NKG7: variants seen among roughly 807,000 people sequenced by gnomAD.
NKG7 encodes natural killer cell granule protein 7.
NKG7 carries 8 observed loss-of-function variants against 14.7 expected under a neutral mutation model. The ratio of observed to expected loss-of-function variants is 0.54; its 90% CI spans 0.32 to 0.98. The LOEUF (loss-of-function observed/expected upper bound fraction) is 0.98. NKG7 is among the 50% of genes least tolerant of loss of function. The pLI is 0.04. For synonymous variants in NKG7, 95 were observed against 90.7 expected (o/e 1.05, Z -0.27); for missense variants, 215 against 211.1 (o/e 1.02, Z -0.11).
chr19:51,372,505 C>G lies in NKG7; in HGVS notation c.31G>C (p.Gly11Arg). The G allele has an allele frequency of 6.2e-7, 1 of 1,614,074 alleles. No individual in the cohort carries two copies. The highest frequency in any genetic ancestry group is 1.3e-5 in the African/African-American group (1 of 75,038). Residue 11 changes from glycine (G) to arginine (R), a missense_variant, in exon 1 of 4, where the codon GGG (glycine) becomes CGG (arginine). Transcript: ENST00000221978. This position sits in a 1 kb window ranked among gnomAD's most constrained non-coding sequence, Gnocchi z 4.8. MELCRSLALLGGSLGLMFCLI... is the reference protein window; with the variant it reads MELCRSLALLRGSLGLMFCLI... ...CAGAACATCAGGCCCAGGGAGCCCC[C>G]CAGCAGGGCCAGGGACCGGCAGAGC...
In NKG7 at chr19:51,372,328, G is replaced by A. The variant is rs539093317; in HGVS notation, c.158-21C>T. The A allele has an allele frequency of 1.9e-6, 3 of 1,612,202 alleles. No homozygotes were observed. The highest frequency in any genetic ancestry group is 2.2e-5 in the South Asian group (2 of 90,894). On this transcript the variant is annotated intron_variant, in intron 1 of 3. Transcript: ENST00000221978. This position sits in a 1 kb window ranked among gnomAD's most constrained non-coding sequence, Gnocchi z 4.8. ...GTAGCCTGATCGGGAGAAGACCACTGAGCACCCATCCCCGCTGGCAACCCC... is the reference window on the plus strand; with the variant it reads ...GTAGCCTGATCGGGAGAAGACCACTAAGCACCCATCCCCGCTGGCAACCCC...
chr19:51,372,184 G>A lies in NKG7; in HGVS notation c.281C>T (p.Ser94Leu). 2.5e-6 allele frequency: 4 copies of A among 1,610,306 alleles called. No homozygotes were observed. The highest frequency in any genetic ancestry group is 3.4e-6 in the Non-Finnish European group (4 of 1,178,080). ...LFPPGHGPLVSTTAAFAAAIS... is the reference protein window; with the variant it reads ...LFPPGHGPLVLTTAAFAAAIS... The stretch of plus-strand genomic sequence containing the variant: ...ACCTGCAGCAAAGGCTGCGGTGGTT[G>A]AGACAAGCGGGCCGTGGCCTGGGGG... Residue 94 changes from serine (S) to leucine (L), a missense_variant, in exon 2 of 4, where the codon TCA becomes TTA. Transcript: ENST00000221978. This position sits in a 1 kb window ranked among gnomAD's most constrained non-coding sequence, Gnocchi z 4.8.
rs61128593 is a variant in NKG7, at chr19:51,371,711, C to T, written c.*66G>A. 19,902 of 1,517,410 alleles carry T rather than the reference C, an allele frequency of 0.013. 1,654 individuals carry two copies. The African/African-American group carries it at 0.2, about 16-fold the overall frequency. The allele number at this position is 1,517,410 out of a possible 1,614,324, so 94.0% of individuals were successfully genotyped here. On this transcript the variant is annotated 3_prime_UTR_variant, in exon 4 of 4. Coordinates refer to ENST00000221978, the MANE Select transcript of NKG7 (RefSeq NM_005601.4). This position sits in a 1 kb window ranked among gnomAD's most constrained non-coding sequence, Gnocchi z 4.2. ...GGGCAGATGTGGGACCAGACTTTCC[C>T]GAGGCTCCAGATGAGGCCTTTGGAA... is the stretch of plus-strand genomic sequence containing the variant.
Position 51,372,033 on chromosome 19 carries a change from G to A in NKG7, c.346C>T (p.Arg116Trp), listed in dbSNP as rs146383130. The change falls in exon 3 of 4, where the codon CGG (arginine) becomes TGG (tryptophan). Residue 116 changes from arginine (R) to tryptophan (W), a missense_variant. Physicochemically the swap from Arg to Trp is moderately radical, Grantham distance 101. Transcript: ENST00000221978. The surrounding 1 kb of genome is among the most constrained non-coding windows in gnomAD (Gnocchi z 4.8). ...TGGGGGTGTGGAGGCTGGTCCCACC[G>A]CTCGCTGGTGTACACCGCCATGGCC... ...VVAMAVYTSE[R>W]WDQPPHPQIQ... 1.4e-4 allele frequency: 229 copies of A among 1,613,518 alleles called. 1 individual carries two copies. In the African/African-American group the frequency reaches 2.4e-3, roughly 17 times the overall value.
Position 51,372,561 on chromosome 19 carries a change from C to T in NKG7, c.-26G>A, listed in dbSNP as rs1986700098. On this transcript the variant is annotated 5_prime_UTR_variant, in exon 1 of 4. Coordinates refer to ENST00000221978, the MANE Select transcript of NKG7 (RefSeq NM_005601.4). This position sits in a 1 kb window ranked among gnomAD's most constrained non-coding sequence, Gnocchi z 4.8. Reference sequence around the variant, plus strand: ...GGGGATAAGCTCAGGGCTTCTGGGTCCTGGAGGAGGAAGAGGCTGCTGATC... The same window carrying T: ...GGGGATAAGCTCAGGGCTTCTGGGTTCTGGAGGAGGAAGAGGCTGCTGATC... The T allele has an allele frequency of 1.2e-6, 2 of 1,610,834 alleles. No individual in the cohort carries two copies. Among genetic ancestry groups the T allele is most frequent in the Non-Finnish European group, 1.7e-6 (2 of 1,178,802 alleles).
At position 51,371,702 on chromosome 19, in the gene NKG7, A is replaced by G. The variant is rs1302835060; in HGVS notation, c.*75T>C. The G allele has an allele frequency of 1.3e-6, 2 of 1,497,734 alleles. No individual in the cohort carries two copies. The highest frequency in any genetic ancestry group is 1.8e-6 in the Non-Finnish European group (2 of 1,105,358). 92.8% of individuals were successfully genotyped at this position (1,497,734 alleles called of 1,614,324 possible). A position where few individuals can be genotyped will look rare whatever the true frequency, so the allele number is the denominator to read the frequency against. ...TGGAAGGGCGGGCAGATGTGGGACCAGACTTTCCCGAGGCTCCAGATGAGG... is the reference window on the plus strand; with the variant it reads ...TGGAAGGGCGGGCAGATGTGGGACCGGACTTTCCCGAGGCTCCAGATGAGG... On this transcript the variant is annotated 3_prime_UTR_variant, in exon 4 of 4. Coordinates refer to ENST00000221978, the MANE Select transcript of NKG7 (RefSeq NM_005601.4). The surrounding 1 kb of genome is among the most constrained non-coding windows in gnomAD (Gnocchi z 4.2).
Position 51,372,137 on chromosome 19 carries a change from C to CCAAGT in NKG7, c.304+23_304+24insACTTG, listed in dbSNP as rs1224812516. On this transcript the variant is annotated intron_variant, in intron 2 of 3. Coordinates refer to ENST00000221978, the MANE Select transcript of NKG7 (RefSeq NM_005601.4). The surrounding 1 kb of genome is among the most constrained non-coding windows in gnomAD (Gnocchi z 4.8). ...GCAGGAATTCGCTGGCTCGCGATGC[C>CCAAGT]CCAGTCCAGTCCAGAGTCCTTACCT... 2 of 1,594,628 alleles carry CCAAGT rather than the reference C, an allele frequency of 1.3e-6. No homozygotes were observed. The highest frequency in any genetic ancestry group is 3.4e-5 in the Admixed American group (2 of 58,752).
At position 51,372,426 on chromosome 19, in the gene NKG7, G is replaced by C; in HGVS notation, c.110C>G (p.Ser37Ter). The change falls in exon 1 of 4, where the codon TCA (serine) becomes TGA (stop). Residue 37 changes from serine to a stop codon, truncating the protein, a stop_gained. Coordinates refer to ENST00000221978, the MANE Select transcript of NKG7 (RefSeq NM_005601.4). LOFTEE classifies it high-confidence loss of function. This position sits in a 1 kb window ranked among gnomAD's most constrained non-coding sequence, Gnocchi z 4.8. Reference protein sequence around the residue: ...FWFEAVGPTHSAHSGLWPTGH... With the variant: ...FWFEAVGPTH ...TGTTGGCCAGAGGCCCGAGTGAGCT[G>C]AGTGGGTGGGACCCACAGCCTCAAA... 1 of 1,614,204 alleles carries C rather than the reference G, an allele frequency of 6.2e-7. No individual in the cohort carries two copies. The highest frequency in any genetic ancestry group is 8.5e-7 in the Non-Finnish European group (1 of 1,180,042).
rs2123647421 is a variant in NKG7 at position 51,371,787 on chromosome 19, T to G, written c.488A>C (p.Glu163Ala). The G allele has an allele frequency of 6.2e-7, 1 of 1,612,942 alleles. No individual in the cohort carries two copies. Among genetic ancestry groups the G allele is most frequent in the East Asian group, 2.2e-5 (1 of 44,862 alleles). Residue 163 changes from glutamate (E) to alanine (A), a missense_variant, in exon 4 of 4, where the codon GAA (glutamate) becomes GCA (alanine). Glu to Ala is a moderately radical substitution (Grantham distance 107). Transcript: ENST00000221978. This position sits in a 1 kb window ranked among gnomAD's most constrained non-coding sequence, Gnocchi z 4.2. ...GCTCTTGCCTTCTGCTCACAAGGTTTCATAGCCAGGACGGGGACCGCCACA... is the reference window on the plus strand; with the variant it reads ...GCTCTTGCCTTCTGCTCACAAGGTTGCATAGCCAGGACGGGGACCGCCACA... ...AHCGGPRPGY[E>A]TL
rs775302410 is a variant in NKG7 at position 51,371,792 on chromosome 19, G to C, written c.483C>G (p.Gly161=). The change falls in exon 4 of 4, where the codon GGC becomes GGG. Residue 161 remains glycine, a synonymous_variant. Transcript: ENST00000221978. The surrounding 1 kb of genome is among the most constrained non-coding windows in gnomAD (Gnocchi z 4.2). ...LGAHCGGPRP[G]YETL The stretch of plus-strand genomic sequence containing the variant: ...TGCCTTCTGCTCACAAGGTTTCATA[G>C]CCAGGACGGGGACCGCCACAGTGAG... The C allele has an allele frequency of 4.3e-6, 7 of 1,613,040 alleles. No individual in the cohort carries two copies.
rs763884918 is a variant in NKG7 at position 51,372,277 on chromosome 19, A to T, written c.188T>A (p.Ile63Asn). 7.4e-6 allele frequency: 12 copies of T among 1,613,224 alleles called. No homozygotes were observed. In the Admixed American group the frequency reaches 2.0e-4, roughly 27 times the overall value. The change falls in exon 2 of 4, where the codon ATT becomes AAT. Residue 63 changes from isoleucine to asparagine, a missense_variant. By Grantham distance (149) the Ile-to-Asn change is moderately radical. Coordinates refer to ENST00000221978, the MANE Select transcript of NKG7 (RefSeq NM_005601.4). This position sits in a 1 kb window ranked among gnomAD's most constrained non-coding sequence, Gnocchi z 4.8. Reference protein sequence around the residue: ...GYIHVTQTFSIMAVLWALVSV... With the variant: ...GYIHVTQTFSNMAVLWALVSV... ...CACCAGGGCCCACAGAACAGCCATA[A>T]TGCTGAAGGTCTGCGTCACGTGGAT...
chr19:51,372,639 T>A lies in NKG7; in HGVS notation c.-104A>T. Reference sequence around the variant, plus strand: ...GCTGTGCACCCAGACTCCTGGGTCCTTAGAGCCCAAGAAAGAGAGAACAGC... The same window carrying A: ...GCTGTGCACCCAGACTCCTGGGTCCATAGAGCCCAAGAAAGAGAGAACAGC... On this transcript the variant is annotated 5_prime_UTR_variant, in exon 1 of 4. In the 5' UTR this introduces an upstream ATG that the reference lacks. Coordinates refer to ENST00000221978, the MANE Select transcript of NKG7 (RefSeq NM_005601.4). The surrounding 1 kb of genome is among the most constrained non-coding windows in gnomAD (Gnocchi z 4.8). The A allele has an allele frequency of 7.4e-7, 1 of 1,350,330 alleles. No homozygotes were observed. The highest frequency in any genetic ancestry group is 9.9e-7 in the Non-Finnish European group (1 of 1,005,340). 83.6% of individuals were successfully genotyped at this position (1,350,330 alleles called of 1,614,324 possible). A position where few individuals can be genotyped will look rare whatever the true frequency, so the allele number is the denominator to read the frequency against.
rs555443513 is a variant in NKG7 at position 51,371,622 on chromosome 19, C to T, written c.*155G>A. 2 of 852,388 alleles carry T rather than the reference C, an allele frequency of 2.3e-6. No homozygotes were observed. Among genetic ancestry groups the T allele is most frequent in the South Asian group, 3.6e-5 (2 of 55,730 alleles). The allele number at this position is 852,388 out of a possible 1,614,324, so 52.8% of individuals were successfully genotyped here. On this transcript the variant is annotated 3_prime_UTR_variant, in exon 4 of 4. Transcript: ENST00000221978. This position sits in a 1 kb window ranked among gnomAD's most constrained non-coding sequence, Gnocchi z 4.2. Reference sequence around the variant, plus strand: ...GAATTAATCTCAAAATAACCAGATTCCAGCCAAATTTTGTTGAATGAATGA... The same window carrying T: ...GAATTAATCTCAAAATAACCAGATTTCAGCCAAATTTTGTTGAATGAATGA...
rs756059494 is a variant in NKG7 at position 51,372,206 on chromosome 19, G to C, written c.259C>G (p.Pro87Ala). The change falls in exon 2 of 4, where the codon CCA (proline) becomes GCA (alanine). Residue 87 changes from proline to alanine, a missense_variant. By Grantham distance (27) the Pro-to-Ala change is conservative. Coordinates refer to ENST00000221978, the MANE Select transcript of NKG7 (RefSeq NM_005601.4). This position sits in a 1 kb window ranked among gnomAD's most constrained non-coding sequence, Gnocchi z 4.8. The part of the protein sequence containing the change: ...VLSCFPSLFP[P>A]GHGPLVSTTA... ...GTTGAGACAAGCGGGCCGTGGCCTG[G>C]GGGGAACAGTGAGGGGAAGCAGGAC... 40 of 1,613,366 alleles carry C rather than the reference G, an allele frequency of 2.5e-5. No homozygotes were observed. In the African/African-American group the frequency reaches 3.2e-4, roughly 13 times the overall value.
Position 51,372,647 on chromosome 19 carries a change from C to G in NKG7, c.-112G>C. 7.7e-7 allele frequency: 1 copy of G among 1,301,804 alleles called. No individual in the cohort carries two copies. The highest frequency in any genetic ancestry group is 1.0e-6 in the Non-Finnish European group (1 of 967,650). The allele number at this position is 1,301,804 out of a possible 1,614,324, so 80.6% of individuals were successfully genotyped here. ...CCCAGACTCCTGGGTCCTTAGAGCCCAAGAAAGAGAGAACAGCAAGCAGTT... is the reference window on the plus strand; with the variant it reads ...CCCAGACTCCTGGGTCCTTAGAGCCGAAGAAAGAGAGAACAGCAAGCAGTT... On this transcript the variant is annotated 5_prime_UTR_variant, in exon 1 of 4. Transcript: ENST00000221978. The surrounding 1 kb of genome is among the most constrained non-coding windows in gnomAD (Gnocchi z 4.8).
chr19:51,371,928 C>A lies in NKG7; in HGVS notation c.439+12G>T, dbSNP rs200460899. On this transcript the variant is annotated intron_variant, in intron 3 of 3. Transcript: ENST00000221978. This position sits in a 1 kb window ranked among gnomAD's most constrained non-coding sequence, Gnocchi z 4.2. ...TCCCAAAGCTCCCCAGGGCAGTGGG[C>A]AGGATAGTCACCTGTACAGAGCAAG... 119 of 1,607,628 alleles carry A rather than the reference C, an allele frequency of 7.4e-5. No individual in the cohort carries two copies. The highest frequency in any genetic ancestry group is 1.7e-4 in the Admixed American group (10 of 59,570).
chr19:51,371,926 G>A lies in NKG7; in HGVS notation c.439+14C>T. 1 of 1,607,828 alleles carries A rather than the reference G, an allele frequency of 6.2e-7. No homozygotes were observed. The highest frequency in any genetic ancestry group is 8.5e-7 in the Non-Finnish European group (1 of 1,176,194). On this transcript the variant is annotated intron_variant, in intron 3 of 3. Transcript: ENST00000221978. This position sits in a 1 kb window ranked among gnomAD's most constrained non-coding sequence, Gnocchi z 4.2. ...CCTCCCAAAGCTCCCCAGGGCAGTGGGCAGGATAGTCACCTGTACAGAGCA... is the reference window on the plus strand; with the variant it reads ...CCTCCCAAAGCTCCCCAGGGCAGTGAGCAGGATAGTCACCTGTACAGAGCA...
In NKG7 at chr19:51,372,061, C is replaced by G. The variant is rs967227250; in HGVS notation, c.318G>C (p.Val106=). The stretch of plus-strand genomic sequence containing the variant: ...CGCTGGTGTACACCGCCATGGCCAC[C>G]ACCATGGAGATGGCTGGGGACAAGG... ...TAAFAAAISM[V]VAMAVYTSER... is the part of the protein sequence containing the mutation. Residue 106 remains valine (V), a synonymous_variant, in exon 3 of 4, where the codon GTG becomes GTC. Transcript: ENST00000221978. The surrounding 1 kb of genome is among the most constrained non-coding windows in gnomAD (Gnocchi z 4.8). The G allele has an allele frequency of 6.2e-7, 1 of 1,610,984 alleles. No individual in the cohort carries two copies. The highest frequency in any genetic ancestry group is 8.5e-7 in the Non-Finnish European group (1 of 1,178,428).
chr19:51,371,683 G>A lies in NKG7; in HGVS notation c.*94C>T. ...GGAGGGGCTGGGGAAGGGCTGGAAG[G>A]GCGGGCAGATGTGGGACCAGACTTT... On this transcript the variant is annotated 3_prime_UTR_variant, in exon 4 of 4. Transcript: ENST00000221978. The surrounding 1 kb of genome is among the most constrained non-coding windows in gnomAD (Gnocchi z 4.2). The A allele has an allele frequency of 7.4e-7, 1 of 1,356,152 alleles. No homozygotes were observed. The highest frequency in any genetic ancestry group is 1.0e-6 in the Non-Finnish European group (1 of 994,554). 84.0% of individuals were successfully genotyped at this position (1,356,152 alleles called of 1,614,324 possible). A position where few individuals can be genotyped will look rare whatever the true frequency, so the allele number is the denominator to read the frequency against.
Sources: allele counts gnomAD v4.1 joint callset, GRCh38; gene constraint gnomAD v4.1.1; non-coding constraint Gnocchi (gnomAD v3.1); transcripts MANE v1.5; gene names NCBI Gene and HGNC (gene_info 2026-07-23, HGNC 2026-07-21).